Variants in RIN2 observed in about 807,000 individuals in gnomAD.
RIN2 encodes Ras and Rab interactor 2.
Under a neutral mutation model 78.0 loss-of-function variants are expected in RIN2, and 36 were observed. The ratio of observed to expected loss-of-function variants is 0.46; its 90% CI spans 0.35 to 0.61. The LOEUF is 0.61. RIN2 is among the 20% of genes least tolerant of loss of function. The pLI, the probability that RIN2 is intolerant of heterozygous loss-of-function variation, is 0.00. For missense variants in RIN2, 1,087 were observed against 1,159.7 expected, an observed-to-expected ratio of 0.94 and a Z score of 0.91; for synonymous variants, 466 against 466.8, an observed-to-expected ratio of 1.00 and a Z score of 0.02.
chr20:19,834,109 G>A (rs2036333638), intron 2 of RIN2, among the ~76,000 whole-genome samples: 1 of 152,110 alleles, frequency 6.6e-6, no homozygotes, highest in Non-Finnish European at 1.5e-5. Context: ...TAATGGTTAT[G>A]GATCATTTAG....
At chr20:19,823,943 T>C (rs530810772) in intron 2 of RIN2, 48 of 1,513,048 alleles carry the variant, frequency 3.2e-5, no homozygotes, top group South Asian at 8.1e-5. Flanking sequence ...TTCGGCAGCA[T>C]GGTGGAGGCA....
At chr20:19,970,951 G>C (rs1160412140) in intron 8 of RIN2, 22 bp downstream of exon 8, 1 of 1,573,896 alleles carries the variant, frequency 6.4e-7, no homozygotes. Flanking sequence ...CCCCCTGCCT[G>C]AGTCTATCTA....
At chr20:19,979,378 GT>G (rs1033259185) in intron 9 of RIN2, among the ~76,000 whole-genome samples, 6 of 152,272 alleles carry the variant, frequency 3.9e-5, no homozygotes, top group Admixed American at 3.9e-4. Flanking sequence ...CAAAATGTAT[GT>G]TTTCTCCAAA....
At chr20:19,822,914 G>T (rs984297613) in intron 2 of RIN2, among the ~76,000 whole-genome samples, 3 of 151,964 alleles carry the variant, frequency 2.0e-5, no homozygotes, top group Admixed American at 2.0e-4. Context: ...ATATTTTTTG[G>T]CCTAGCAACT....
chr20:19,812,749 A>G (rs2035643539), intron 2 of RIN2, among the ~76,000 whole-genome samples: 1 of 152,242 alleles, frequency 6.6e-6, no homozygotes, highest in Non-Finnish European at 1.5e-5. Context: ...ATCAAAAGGA[A>G]GAGCAAGATC....
chr20:19,990,171 C>G lies in RIN2; in HGVS notation c.1928C>G (p.Ala643Gly). The G allele has an allele frequency of 6.2e-7, 1 of 1,605,034 alleles. No individual in the cohort carries two copies. Among genetic ancestry groups the G allele is most frequent in the Middle Eastern group, 1.7e-4 (1 of 6,056 alleles). ...AATCCGCAGGAGCTGGGGGTCTTCG[C>G]CCCGACCCCTGATTTTGTGGATGTG... ...QRNPQELGVF[A>G]PTPDFVDVEK... is the part of the protein sequence containing the mutation. The change falls in exon 10 of 13, where the codon GCC becomes GGC. Residue 643 changes from alanine (A) to glycine (G), a missense_variant. By Grantham distance (60) the Ala-to-Gly change is moderately conservative (BLOSUM62 0). Around this residue, in one of 8 missense-constraint regions of RIN2, gnomAD observed 97 missense variants for 104.8 expected, o/e 0.93. Transcript: ENST00000255006.
In RIN2 at chr20:19,867,766, A is replaced by C. The variant is rs142734802; in HGVS notation, c.-36-21800A>C. On this transcript the variant is annotated intron_variant, in intron 2 of 12. Coordinates refer to ENST00000255006, the MANE Select transcript of RIN2 (RefSeq NM_018993.4). ...TAGTTTAGTTAAGATGGTGGTGTCC[A>C]CCAAGTTTCTCTGCAGTGGGAGAAT... Among the ~76,000 whole-genome samples, 8 of 152,346 alleles carry C rather than the reference A, an allele frequency of 5.3e-5. 1 individual carries two copies. The East Asian group carries it at 1.5e-3, about 29-fold the overall frequency.
At chr20:19,941,292 T>C (rs895737604) in intron 4 of RIN2, among the ~76,000 whole-genome samples, 2 of 152,158 alleles carry the variant, frequency 1.3e-5, no homozygotes, top group African/African-American at 4.8e-5. Flanking sequence ...TGTTCACTTC[T>C]TCACTTGCCC....
intron 3 of RIN2, among the ~76,000 whole-genome samples, chr20:19,905,368 AC>A (rs2039174587): frequency 6.6e-6 from 1 of 152,082 alleles, no homozygotes; most frequent in Non-Finnish European, 1.5e-5. Context: ...GAGTGAGAGA[AC>A]CTCTGAGGAC....
chr20:19,794,175 G>A (rs1306926248), intron 1 of RIN2, among the ~76,000 whole-genome samples: 1 of 152,086 alleles, frequency 6.6e-6, no homozygotes. Context: ...GAAAAGAAAA[G>A]AAAGGCTTTA....
chr20:19,876,912 A>AG (rs1197969550), intron 2 of RIN2, among the ~76,000 whole-genome samples: 1 of 151,006 alleles, frequency 6.6e-6, no homozygotes, highest in Non-Finnish European at 1.5e-5. Flanking sequence ...AAAAAAAAAA[A>AG]ACAAAAAACA....
rs1466044163 is a variant in RIN2, at chr20:19,990,272, G to A, written c.2029G>A (p.Val677Ile). The change falls in exon 10 of 13, where the codon GTC (valine) becomes ATC (isoleucine). Residue 677 changes from valine (V) to isoleucine (I), a missense_variant. Val to Ile is a conservative substitution (Grantham distance 29). Transcript: ENST00000255006. ...PEKKVMLLLRVCKLIYTVMEN... is the reference protein window; with the variant it reads ...PEKKVMLLLRICKLIYTVMEN... ...AAAGAAGGTCATGCTGCTGCTGCGG[G>A]TCTGCAAGCTCATTTACACGGTCAT... 2 of 1,613,646 alleles carry A rather than the reference G, an allele frequency of 1.2e-6. No individual in the cohort carries two copies. Among genetic ancestry groups the A allele is most frequent in the South Asian group, 1.1e-5 (1 of 90,942 alleles).
intron 2 of RIN2, among the ~76,000 whole-genome samples, chr20:19,832,375 G>A (rs1045510864): frequency 2.0e-5 from 3 of 148,278 alleles, no homozygotes; most frequent in Middle Eastern, 3.2e-3. Context: ...CATCCCGATG[G>A]CTCTCCCCAC....
At chr20:19,892,549 T>C (rs1416142335) in intron 3 of RIN2, among the ~76,000 whole-genome samples, 1 of 149,066 alleles carries the variant, frequency 6.7e-6, no homozygotes, top group African/African-American at 2.5e-5. Context: ...TCCATGTAAA[T>C]GATATAGTTA....
intron 1 of RIN2, among the ~76,000 whole-genome samples, chr20:19,794,745 ATTTC>A (rs2035000654): frequency 1.3e-5 from 2 of 151,970 alleles, no homozygotes. Flanking sequence ...TAATTTATAA[ATTTC>A]TTTATAAGGA....
chr20:19,790,120 C>G (rs1236445632), intron 1 of RIN2, among the ~76,000 whole-genome samples: 1 of 152,198 alleles, frequency 6.6e-6, no homozygotes, highest in South Asian at 2.1e-4. Context: ...TCATTTCCCT[C>G]GTTGCAGATG....
intron 4 of RIN2, among the ~76,000 whole-genome samples, chr20:19,945,619 G>A (rs2041059196): frequency 6.6e-6 from 1 of 152,104 alleles, no homozygotes; most frequent in Non-Finnish European, 1.5e-5. Flanking sequence ...GTATTGGTGG[G>A]CATAGAATTA....
intron 1 of RIN2, among the ~76,000 whole-genome samples, chr20:19,788,434 A>AAAAAAAAAAAAAAACAAAAAC (rs1482992020): frequency 0.019 from 2,557 of 137,400 alleles, 142 homozygotes; most frequent in African/African-American, 0.071. Context: ...GTCTCTGCCA[A>AAAAAAAAAAAAAAACAAAAAC]AAAAAAAAAA....
chr20:19,781,656 G>A (rs774936937), intron 1 of RIN2, among the ~76,000 whole-genome samples: 1 of 152,178 alleles, frequency 6.6e-6, no homozygotes, highest in African/African-American at 2.4e-5. Flanking sequence ...TCAAACTCTG[G>A]ACCTCAAGTG....
Sources: allele counts gnomAD v4.1 joint callset (sites outside exome capture counted in the v4.1 genomes callset), GRCh38; gene constraint gnomAD v4.1.1; regional missense constraint gnomAD v4.1.1; transcripts MANE v1.5; gene names NCBI Gene and HGNC (gene_info 2026-07-23, HGNC 2026-07-21).